SPATA16: variants seen among roughly 807,000 people sequenced by gnomAD.
The protein encoded by SPATA16 is spermatogenesis associated 16, also known as spermatogenesis-associated protein 16.
SPATA16 carries 36 observed loss-of-function variants against 63.3 expected under a neutral mutation model. The observed-to-expected ratio is 0.57, with a 90% CI of 0.44 to 0.75. The LOEUF is 0.75. Ranked by LOEUF, SPATA16 falls within the 30% of genes least tolerant of loss-of-function variation. SPATA16 has a pLI of 0.00. For synonymous variants in SPATA16, 203 were observed against 216.7 expected, an observed-to-expected ratio of 0.94 and a Z score of 0.56; for missense variants, 646 against 679.3, an observed-to-expected ratio of 0.95 and a Z score of 0.54.
intron 4 of SPATA16, among the ~76,000 whole-genome samples, chr3:173,014,621 T>G (rs1560096815): frequency 6.6e-6 from 1 of 152,200 alleles, no homozygotes; most frequent in Non-Finnish European, 1.5e-5. Context: ...GTAAATAAAT[T>G]TATTGGAATG....
intron 5 of SPATA16, among the ~76,000 whole-genome samples, chr3:172,970,409 T>C (rs965041453): frequency 1.3e-5 from 2 of 152,180 alleles, no homozygotes; most frequent in Non-Finnish European, 1.5e-5. Flanking sequence ...AAACTAATTT[T>C]TACAATTCTA....
intron 1 of SPATA16, among the ~76,000 whole-genome samples, chr3:173,130,322 T>C (rs1205826982): frequency 7.9e-6 from 1 of 125,872 alleles, no homozygotes; most frequent in African/African-American, 3.1e-5. Flanking sequence ...ATTGTGCCAC[T>C]GCACTCCAGC....
intron 1 of SPATA16, among the ~76,000 whole-genome samples, chr3:173,135,643 G>C (rs13060861): frequency 0.14 from 21,702 of 152,190 alleles, 1,653 homozygotes; most frequent in African/African-American, 0.19. Flanking sequence ...CCACATGGAA[G>C]AATCTCACAA....
chr3:173,135,108 A>T (rs1291995125), intron 1 of SPATA16, among the ~76,000 whole-genome samples: 1 of 152,256 alleles, frequency 6.6e-6, no homozygotes, highest in Admixed American at 6.5e-5. Context: ...GAGTTCTGTG[A>T]AAGAAGACAG....
chr3:172,913,922 A>C (rs940569840), intron 9 of SPATA16, among the ~76,000 whole-genome samples, 178 bp from the exon 10 acceptor site: 2 of 152,216 alleles, frequency 1.3e-5, no homozygotes, highest in African/African-American at 2.4e-5. Flanking sequence ...ATTATTGCAG[A>C]TATAAAATAC....
chr3:173,108,202 A>G (rs1737664335), intron 2 of SPATA16, among the ~76,000 whole-genome samples: 1 of 152,138 alleles, frequency 6.6e-6, no homozygotes, highest in Non-Finnish European at 1.5e-5. Flanking sequence ...AGAGACACAC[A>G]CTATCTAACC....
chr3:172,893,134 T>G (rs1039540897), intron 10 of SPATA16, among the ~76,000 whole-genome samples: 6 of 152,296 alleles, frequency 3.9e-5, no homozygotes, highest in Non-Finnish European at 7.4e-5. Context: ...CTATTATGGG[T>G]TGAATTGTGT....
At chr3:173,123,377 G>T (rs1738135683) in intron 1 of SPATA16, among the ~76,000 whole-genome samples, 1 of 152,114 alleles carries the variant, frequency 6.6e-6, no homozygotes, top group South Asian at 2.1e-4. Context: ...CAAATTCCAT[G>T]CTTTTTAGAT....
chr3:173,012,443 A>C (rs1735093069), intron 4 of SPATA16, among the ~76,000 whole-genome samples: 1 of 152,202 alleles, frequency 6.6e-6, no homozygotes. Context: ...ATTCATATGA[A>C]ACCAAGCAAG....
intron 2 of SPATA16, among the ~76,000 whole-genome samples, chr3:173,056,926 T>C (rs555949866): frequency 6.6e-6 from 1 of 152,082 alleles, no homozygotes; most frequent in East Asian, 1.9e-4. Flanking sequence ...TTTTTTTCTT[T>C]TTATAACTCA....
At chr3:172,923,138 A>G (rs368015820) in intron 8 of SPATA16, among the ~76,000 whole-genome samples, 2 of 152,102 alleles carry the variant, frequency 1.3e-5, no homozygotes, top group African/African-American at 4.8e-5. Flanking sequence ...TGATGAGGGT[A>G]ATGATGTGTG....
intron 3 of SPATA16, among the ~76,000 whole-genome samples, chr3:173,033,727 C>T (rs138615063): frequency 0.019 from 2,869 of 152,020 alleles, 90 homozygotes; most frequent in African/African-American, 0.065. Context: ...TTAGGGGGGA[C>T]GGAGTCTCAC....
At chr3:172,901,405 G>A (rs1378464185) in intron 10 of SPATA16, among the ~76,000 whole-genome samples, 1 of 152,134 alleles carries the variant, frequency 6.6e-6, no homozygotes, top group Non-Finnish European at 1.5e-5. Context: ...TTGCCATGAT[G>A]GCCAGGCTGG....
chr3:173,140,724 C>T (rs1204638060), intron 1 of SPATA16, among the ~76,000 whole-genome samples: 1 of 152,094 alleles, frequency 6.6e-6, no homozygotes, highest in Non-Finnish European at 1.5e-5. Context: ...AGAAGATGTC[C>T]TCAAACTATA....
At position 172,956,192 on chromosome 3, in the gene SPATA16, G is replaced by A. The variant is rs149106695; in HGVS notation, c.1081+485C>T. ...GGGAAAAAACCTAATACCAGTTGTT[G>A]TGTCCTCTATGGGACTCTTAGCTAT... On this transcript the variant is annotated intron_variant, in intron 6 of 10. Coordinates refer to ENST00000351008, the MANE Select transcript of SPATA16 (RefSeq NM_031955.6). 1.3e-3 allele frequency among the ~76,000 whole-genome samples: 196 copies of A among 152,180 alleles called. 1 individual carries two copies. Among genetic ancestry groups the A allele is most frequent in the African/African-American group, 4.3e-3 (178 of 41,532 alleles).
intron 1 of SPATA16, among the ~76,000 whole-genome samples, chr3:173,125,648 C>T (rs1368644780): frequency 2.6e-5 from 4 of 152,108 alleles, no homozygotes; most frequent in Admixed American, 1.3e-4. Flanking sequence ...AATATTTGTT[C>T]GCAAATAAGC....
At chr3:172,932,494 C>T (rs1263658359) in intron 6 of SPATA16, among the ~76,000 whole-genome samples, 5 of 152,242 alleles carry the variant, frequency 3.3e-5, no homozygotes, top group South Asian at 2.1e-4. Context: ...TTCAGACTTT[C>T]GTTTCTACAG....
intron 6 of SPATA16, among the ~76,000 whole-genome samples, chr3:172,931,683 A>T (rs182342196): frequency 5.9e-5 from 9 of 152,378 alleles, no homozygotes; most frequent in African/African-American, 1.9e-4. Context: ...AAAAATCAAA[A>T]CTAATAAAAT....
chr3:172,916,960 T>C (rs186618865), intron 8 of SPATA16, among the ~76,000 whole-genome samples: 3 of 152,350 alleles, frequency 2.0e-5, no homozygotes, highest in African/African-American at 7.2e-5. Flanking sequence ...CCCCAATAGC[T>C]TACATGAAAC....
Sources: allele counts gnomAD v4.1 joint callset (sites outside exome capture counted in the v4.1 genomes callset), GRCh38; gene constraint gnomAD v4.1.1; transcripts MANE v1.5; gene names NCBI Gene and HGNC (gene_info 2026-07-23, HGNC 2026-07-21).